Variants in FDXR observed in about 807,000 individuals in gnomAD.
FDXR encodes NADPH:adrenodoxin oxidoreductase, mitochondrial.
Under a neutral mutation model 58.3 loss-of-function variants are expected in FDXR, and 38 were observed. That is an observed-to-expected ratio of 0.65 (90% CI 0.50 to 0.85). FDXR has a LOEUF of 0.85. Ranked by LOEUF, FDXR falls within the 40% of genes least tolerant of loss-of-function variation. The pLI, the probability that FDXR is intolerant of heterozygous loss-of-function variation, is 0.00. For synonymous variants in FDXR, 275 were observed against 273.8 expected, an observed-to-expected ratio of 1.00 and a Z score of -0.04; for missense variants, 624 against 671.0, an observed-to-expected ratio of 0.93 and a Z score of 0.77.
intron 2 of FDXR, chr17:74,870,159 C>G (rs1390794330): frequency 3.4e-6 from 1 of 293,604 alleles, no homozygotes; most frequent in Non-Finnish European, 7.5e-6. Flanking sequence ...GCCTGAGCCC[C>G]TCCCCATCCC....
In FDXR at chr17:74,870,165, A is replaced by G. The variant is rs1041353728; in HGVS notation, c.177+1871T>C. Reference sequence around the variant, plus strand: ...TTGTACCTGGCCTGAGCCCCTCCCCATCCCATTCCACAAGGAAAGCATGTG... The same window carrying G: ...TTGTACCTGGCCTGAGCCCCTCCCCGTCCCATTCCACAAGGAAAGCATGTG... On this transcript the variant is annotated intron_variant, in intron 2 of 11. Transcript: ENST00000293195. 3.8e-5 allele frequency: 11 copies of G among 290,120 alleles called. No individual in the cohort carries two copies. In the Admixed American group the frequency reaches 3.8e-4, roughly 10 times the overall value. 18.0% of individuals were successfully genotyped at this position (290,120 alleles called of 1,614,324 possible). A position where few individuals can be genotyped will look rare whatever the true frequency, so the allele number is the denominator to read the frequency against.
intron 2 of FDXR, chr17:74,868,663 T>C: frequency 6.5e-7 from 1 of 1,535,414 alleles, no homozygotes; most frequent in Non-Finnish European, 8.7e-7. Context: ...CCCTTATCTC[T>C]CGTGGCTGAC....
At chr17:74,868,020 C>T (rs947788659) in intron 2 of FDXR, among the ~76,000 whole-genome samples, 2 of 152,012 alleles carry the variant, frequency 1.3e-5, no homozygotes, top group Non-Finnish European at 2.9e-5. Context: ...CACTGGGACT[C>T]AAGGCAAAGA....
At position 74,862,764 on chromosome 17, in the gene FDXR, TC is replaced by T; in HGVS notation, c.*52del. 5.1e-6 allele frequency: 8 copies of T among 1,559,834 alleles called. No individual in the cohort carries two copies. The Admixed American group carries it at 1.2e-4, about 24-fold the overall frequency. ...GTCCCACTCAGACGGACCCAGCCCTTCCCCTCCCAACACTCATCCCTTCCCT... is the reference window on the plus strand; with the variant it reads ...GTCCCACTCAGACGGACCCAGCCCTTCCCTCCCAACACTCATCCCTTCCCT... On this transcript the variant is annotated 3_prime_UTR_variant, in exon 12 of 12. Coordinates refer to ENST00000293195, the MANE Select transcript of FDXR (RefSeq NM_024417.5).
At chr17:74,865,166 CT>C (rs2038133177) in intron 6 of FDXR, among the ~76,000 whole-genome samples, 1 of 152,140 alleles carries the variant, frequency 6.6e-6, no homozygotes, top group South Asian at 2.1e-4. Flanking sequence ...CTACCATGTG[CT>C]CACCCCCATG....
At chr17:74,866,897 A>C (rs1401126794) in intron 2 of FDXR, 21 bp from the exon 3 acceptor site, 1 of 1,611,712 alleles carries the variant, frequency 6.2e-7, no homozygotes, top group Non-Finnish European at 8.5e-7. Flanking sequence ...ACAGGGTGGC[A>C]GCTGGTGGGG....
intron 1 of FDXR, chr17:74,872,446 A>C: frequency 1.5e-6 from 1 of 671,636 alleles, no homozygotes; most frequent in Non-Finnish European, 2.5e-6. Context: ...CCTCCATATC[A>C]TCCCAATCTC....
chr17:74,864,411 TC>T, intron 8 of FDXR, 64 bp from the exon 9 acceptor site: 1 of 1,605,678 alleles, frequency 6.2e-7, no homozygotes, highest in Non-Finnish European at 8.5e-7. Context: ...TGCATGCCCT[TC>T]CCCAATCCCT....
At chr17:74,866,368 C>G in intron 4 of FDXR, 78 bp downstream of exon 4, 1 of 1,586,396 alleles carries the variant, frequency 6.3e-7, no homozygotes, top group Non-Finnish European at 8.6e-7. Flanking sequence ...TGGCCTCACC[C>G]CTGCTGCCTT....
rs1567910535 is a variant in FDXR at position 74,864,828 on chromosome 17, A to ATGGTGAAG, written c.705_712dup (p.Ile238ThrfsTer10). On this transcript the variant is annotated frameshift_variant, in exon 7 of 12. Transcript: ENST00000293195. LOFTEE classifies it high-confidence loss of function. ...CTCCCACTCTGGCCCCAGCACCTTAATGGTGAAGGCCACTTGCAGGGGTCC... is the reference window on the plus strand; with the variant it reads ...CTCCCACTCTGGCCCCAGCACCTTAATGGTGAAGTGGTGAAGGCCACTTGCAGGGGTCC... 2.5e-6 allele frequency: 4 copies of ATGGTGAAG among 1,613,882 alleles called. No homozygotes were observed. The South Asian group carries it at 4.4e-5, about 18-fold the overall frequency.
At chr17:74,868,691 C>G in intron 2 of FDXR, 1 of 1,531,902 alleles carries the variant, frequency 6.5e-7, no homozygotes, top group Non-Finnish European at 8.7e-7. Context: ...TCCAGGTTTC[C>G]TCCTTCCTTC....
chr17:74,869,717 C>A (rs918640354), intron 2 of FDXR, among the ~76,000 whole-genome samples: 1 of 152,200 alleles, frequency 6.6e-6, no homozygotes, highest in Non-Finnish European at 1.5e-5. Flanking sequence ...AAATTATCCA[C>A]CTGTCCCCTC....
intron 5 of FDXR, 49 bp downstream of exon 5, chr17:74,866,082 G>T (rs1598522686): frequency 7.2e-7 from 1 of 1,387,142 alleles, no homozygotes. Context: ...GGCATCCAAG[G>T]GCTGAGGGGC....
chr17:74,866,000 C>A, intron 5 of FDXR, 131 bp downstream of exon 5: 1 of 870,408 alleles, frequency 1.1e-6, no homozygotes, highest in Non-Finnish European at 1.8e-6. Flanking sequence ...CCCTCCACAG[C>A]TGGCCTCCCG....
intron 6 of FDXR, among the ~76,000 whole-genome samples, chr17:74,865,320 C>T (rs1381967405): frequency 6.6e-6 from 1 of 151,884 alleles, no homozygotes; most frequent in East Asian, 1.9e-4. Flanking sequence ...CGATGATATG[C>T]GGTGAAACAG....
Position 74,862,758 on chromosome 17 carries a change from A to AG in FDXR, c.*58dup. ...TGCAAAGTCCCACTCAGACGGACCC[A>AG]GCCCTTCCCCTCCCAACACTCATCC... On this transcript the variant is annotated 3_prime_UTR_variant, in exon 12 of 12. Transcript: ENST00000293195. 1 of 1,554,138 alleles carries AG rather than the reference A, an allele frequency of 6.4e-7. No individual in the cohort carries two copies.
intron 6 of FDXR, among the ~76,000 whole-genome samples, chr17:74,865,507 C>T (rs1201872805): frequency 2.0e-5 from 3 of 151,966 alleles, no homozygotes; most frequent in Non-Finnish European, 2.9e-5. Context: ...AAGAGAAAAA[C>T]GCCACTTAGC....
Position 74,866,582 on chromosome 17 carries a change from C to T in FDXR, c.271-14G>A, listed in dbSNP as rs1260674232. On this transcript the variant is annotated splice_polypyrimidine_tract_variant and intron_variant, in intron 3 of 11. Transcript: ENST00000293195. The stretch of plus-strand genomic sequence containing the variant: ...GTTGATGACATTCTGCCAGGTCCCC[C>T]GGGAATGGGAGGGGTTAGAGGGTAA... 3.7e-6 allele frequency: 6 copies of T among 1,613,416 alleles called. No homozygotes were observed. Among genetic ancestry groups the T allele is most frequent in the Admixed American group, 1.7e-5 (1 of 60,024 alleles).
rs770805584 is a variant in FDXR, at chr17:74,864,185, C to T, written c.965G>A (p.Arg322Gln). 14 of 1,612,566 alleles carry T rather than the reference C, an allele frequency of 8.7e-6. No homozygotes were observed. The highest frequency in any genetic ancestry group is 6.6e-5 in the South Asian group (6 of 91,090). The change falls in exon 9 of 12, where the codon CGG (arginine) becomes CAG (glutamine). Residue 322 changes from arginine (R) to glutamine (Q), a missense_variant. By Grantham distance (43) the Arg-to-Gln change is conservative. Coordinates refer to ENST00000293195, the MANE Select transcript of FDXR (RefSeq NM_024417.5). ...GACTGCTAGGCGGACACCTGCTGCCCGCCGCCCATCTGGTGAGGGCAGCAC... is the reference window on the plus strand; with the variant it reads ...GACTGCTAGGCGGACACCTGCTGCCTGCCGCCCATCTGGTGAGGGCAGCAC... ...QQVLPSPDGR[R>Q]AAGVRLAVTR...
Sources: allele counts gnomAD v4.1 joint callset (sites outside exome capture counted in the v4.1 genomes callset), GRCh38; gene constraint gnomAD v4.1.1; transcripts MANE v1.5; gene names NCBI Gene and HGNC (gene_info 2026-07-23, HGNC 2026-07-21).